The following CEP85L variants were observed in gnomAD, a reference collection of about 807,000 sequenced individuals.
CEP85L encodes the protein centrosomal protein 85L.
Under a neutral mutation model 100.3 loss-of-function variants are expected in CEP85L, and 60 were observed. That is an observed-to-expected ratio of 0.60 (90% confidence interval 0.49 to 0.74). CEP85L has a LOEUF of 0.74. Among genes scored for constraint, CEP85L ranks in the 30% least tolerant of loss-of-function variants. CEP85L has a pLI of 0.00. For synonymous variants in CEP85L, 319 were observed against 322.7 expected (o/e 0.99, Z 0.12); for missense variants, 973 against 936.2 (o/e 1.04, Z -0.51).
intron 2 of CEP85L, among the ~76,000 whole-genome samples, chr6:118,576,268 C>T (rs199616278): frequency 5.3e-5 from 8 of 152,150 alleles, no homozygotes; most frequent in East Asian, 1.9e-4. Flanking sequence ...GGCCTCCTAG[C>T]GAGATTACAT....
chr6:118,600,999 C>A (rs1227252801), intron 2 of CEP85L, among the ~76,000 whole-genome samples: 2 of 152,094 alleles, frequency 1.3e-5, no homozygotes, highest in Non-Finnish European at 2.9e-5. Context: ...AAAGTTGTTT[C>A]TTATTTTTCA....
In CEP85L at chr6:118,566,153, T is replaced by G; in HGVS notation, c.396A>C (p.Thr132=). Residue 132 remains threonine, a synonymous_variant, in exon 3 of 13, where the codon ACA becomes ACC. Transcript: ENST00000368491. The part of the protein sequence containing the change: ...GSKWSTSLMQ[T]LGNHSRGEQD... ...GCTCCCCCCTACTGTGGTTTCCCAA[T>G]GTTTGCATGAGGCTTGTACTCCATT... 6 of 1,614,144 alleles carry G rather than the reference T, an allele frequency of 3.7e-6. No homozygotes were observed. Among genetic ancestry groups the G allele is most frequent in the Middle Eastern group, 1.6e-4 (1 of 6,062 alleles).
upstream of CEP85L, chr6:118,651,741 G>C (rs1775583513): frequency 2.0e-6 from 2 of 986,110 alleles, no homozygotes; most frequent in South Asian, 9.5e-5. Context: ...CCCCGACCCC[G>C]CTTCGCCTCC....
intron 6 of CEP85L, among the ~76,000 whole-genome samples, chr6:118,489,504 C>T (rs1774410263): frequency 6.6e-6 from 1 of 152,128 alleles, no homozygotes; most frequent in Non-Finnish European, 1.5e-5. Flanking sequence ...CACACATGCT[C>T]AATTCCTGCA....
At chr6:118,597,958 T>C (rs1781539724) in intron 2 of CEP85L, among the ~76,000 whole-genome samples, 1 of 152,228 alleles carries the variant, frequency 6.6e-6, no homozygotes, top group East Asian at 1.9e-4. Context: ...AGTCAGTGAC[T>C]ATAAGAAGAT....
At chr6:118,679,988 TAA>T (rs996477553) in intron 1 of CEP85L, among the ~76,000 whole-genome samples, 5 of 143,486 alleles carry the variant, frequency 3.5e-5, no homozygotes, top group African/African-American at 5.1e-5. Flanking sequence ...TCATTGGCAT[TAA>T]AAAAAAAAAA....
chr6:118,600,661 C>T (rs1781738789), intron 2 of CEP85L, among the ~76,000 whole-genome samples: 1 of 151,818 alleles, frequency 6.6e-6, no homozygotes. Context: ...AGTCAAGCTA[C>T]CAACCTGGTC....
intron 5 of CEP85L, among the ~76,000 whole-genome samples, chr6:118,510,940 T>C (rs1562213682): frequency 2.0e-5 from 3 of 152,122 alleles, no homozygotes; most frequent in African/African-American, 7.2e-5. Context: ...CTGTGTGTTA[T>C]ATAATTGTAT....
upstream of CEP85L, chr6:118,652,408 C>T: frequency 6.3e-6 from 7 of 1,104,012 alleles, no homozygotes; most frequent in Non-Finnish European, 7.8e-6. Context: ...TCTTACTTCT[C>T]ACTGGCAATA....
intron 2 of CEP85L, among the ~76,000 whole-genome samples, chr6:118,607,041 C>T (rs909413258): frequency 1.3e-5 from 2 of 152,094 alleles, no homozygotes; most frequent in Non-Finnish European, 2.9e-5. Flanking sequence ...GCACCATAGC[C>T]ATGGGGGCCA....
chr6:118,480,596 T>C (rs918017304), intron 8 of CEP85L, 83 bp from the exon 9 acceptor site: 18 of 856,928 alleles, frequency 2.1e-5, no homozygotes, highest in Admixed American at 6.4e-5. Context: ...GATTATTGCT[T>C]TATTAAAAAA....
intron 5 of CEP85L, among the ~76,000 whole-genome samples, chr6:118,497,228 G>C (rs1028895406): frequency 6.6e-6 from 1 of 152,192 alleles, no homozygotes; most frequent in Non-Finnish European, 1.5e-5. Flanking sequence ...TTTTGGATTA[G>C]AGTCAAGGCA....
chr6:118,686,674 A>G (rs1248099152), intron 1 of CEP85L, among the ~76,000 whole-genome samples: 7 of 152,176 alleles, frequency 4.6e-5, no homozygotes, highest in African/African-American at 1.7e-4. Context: ...TCTGCCAAGA[A>G]CACTTGTGTG....
intron 1 of CEP85L, among the ~76,000 whole-genome samples, chr6:118,658,659 G>A (rs180781072): frequency 6.6e-5 from 10 of 152,112 alleles, no homozygotes; most frequent in South Asian, 6.2e-4. Flanking sequence ...CAATAATTAC[G>A]AAATTATGAT....
intron 2 of CEP85L, among the ~76,000 whole-genome samples, chr6:118,575,032 C>A (rs762892236): frequency 1.3e-5 from 2 of 152,170 alleles, no homozygotes; most frequent in South Asian, 4.2e-4. Context: ...CTCTAGTAAA[C>A]AGAGGTTGAG....
In CEP85L at chr6:118,480,562, T is replaced by A. The variant is rs781458067; in HGVS notation, c.1746-49A>T. The A allele has an allele frequency of 5.9e-6, 7 of 1,186,514 alleles. No individual in the cohort carries two copies. The East Asian group carries it at 1.6e-4, about 28-fold the overall frequency. 73.5% of individuals were successfully genotyped at this position (1,186,514 alleles called of 1,614,324 possible). On this transcript the variant is annotated intron_variant, in intron 8 of 12. Transcript: ENST00000368491. ...AAGAAAATAAGCTCTATTTGCTGAT[T>A]TTGGTAATGATTTCAACATAAATGA...
chr6:118,497,396 A>G (rs1415301716), intron 5 of CEP85L, among the ~76,000 whole-genome samples: 3 of 152,162 alleles, frequency 2.0e-5, no homozygotes, highest in South Asian at 2.1e-4. Flanking sequence ...CTGACTCCCA[A>G]CACTCCCAGA....
At chr6:118,586,171 C>G (rs1309106949) in intron 2 of CEP85L, among the ~76,000 whole-genome samples, 1 of 152,290 alleles carries the variant, frequency 6.6e-6, no homozygotes, top group Admixed American at 6.5e-5. Flanking sequence ...CCAAGAGACA[C>G]ACCAGAAAAT....
At chr6:118,652,521 G>T (rs1034182980), upstream of CEP85L, 78 of 1,384,394 alleles carry the variant, frequency 5.6e-5, no homozygotes, top group Admixed American at 7.5e-4. Flanking sequence ...TCACTCAGAG[G>T]TAAGTCGGAA....
Sources: gnomAD v4.1 joint callset for allele counts (sites outside exome capture counted in the v4.1 genomes callset) on GRCh38, gnomAD v4.1.1 for gene constraint, MANE v1.5 for transcripts, NCBI Gene and HGNC (gene_info 2026-07-23, HGNC 2026-07-21) for gene names.